The following DSTYK variants were observed in gnomAD, a reference collection of about 807,000 sequenced individuals.
DSTYK encodes the protein RIP-homologous kinase.
DSTYK carries 34 observed loss-of-function variants against 98.7 expected under a neutral mutation model. That is an observed-to-expected ratio of 0.34 (90% confidence interval 0.26 to 0.46). The LOEUF (loss-of-function observed/expected upper bound fraction) is 0.46. Among genes scored for constraint, DSTYK ranks in the 20% least tolerant of loss-of-function variants. The pLI is 1.00. For synonymous variants in DSTYK, 462 were observed against 457.3 expected, an observed-to-expected ratio of 1.01 and a Z score of -0.13; for missense variants, 962 against 1,181.7, an observed-to-expected ratio of 0.81 and a Z score of 2.73.
intron 1 of DSTYK, among the ~76,000 whole-genome samples, chr1:205,189,262 G>A (rs764241646): frequency 4.6e-5 from 7 of 152,258 alleles, no homozygotes; most frequent in Middle Eastern, 3.4e-3. Flanking sequence ...GCTTCCTAAA[G>A]AATGAGAATC....
At chr1:205,194,818 CCCAAGTA>C (rs68124028) in intron 1 of DSTYK, among the ~76,000 whole-genome samples, 73,997 of 150,890 alleles carry the variant, frequency 0.49, 20,913 homozygotes, top group Non-Finnish European at 0.63. Flanking sequence ...GCCTCAGCCT[CCCAAGTA>C]CCAAGTAGCT....
intron 2 of DSTYK, among the ~76,000 whole-genome samples, chr1:205,173,675 G>C (rs981499160): frequency 1.3e-5 from 2 of 150,896 alleles, no homozygotes; most frequent in African/African-American, 4.9e-5. Context: ...GTGCACAACA[G>C]AAACATCAGC....
At chr1:205,180,346 G>A (rs1221890535) in intron 2 of DSTYK, among the ~76,000 whole-genome samples, 4 of 147,054 alleles carry the variant, frequency 2.7e-5, no homozygotes, top group Non-Finnish European at 5.9e-5. Flanking sequence ...TCCCACTTAT[G>A]AGTGAGAACA....
chr1:205,164,056 G>T, intron 3 of DSTYK, 101 bp from the exon 4 acceptor site: 1 of 933,976 alleles, frequency 1.1e-6, no homozygotes, highest in Non-Finnish European at 1.7e-6. Context: ...CTACCGTGAT[G>T]ATGATGGCTG....
chr1:205,169,522 G>A lies in DSTYK; in HGVS notation c.965C>T (p.Ala322Val). The change falls in exon 3 of 13, where the codon GCT becomes GTT. Residue 322 changes from alanine to valine, a missense_variant. By Grantham distance (64) the Ala-to-Val change is moderately conservative (BLOSUM62 0). Around this residue, in one of 4 missense-constraint regions of DSTYK, gnomAD observed 660 missense variants for 855.0 expected, o/e 0.77. Coordinates refer to ENST00000367162, the MANE Select transcript of DSTYK (RefSeq NM_015375.3). The surrounding 1 kb of genome is among the most constrained non-coding windows in gnomAD (Gnocchi z 4.0). Reference sequence around the variant, plus strand: ...CTGAGCTTTAGTATCCTGGCCAGGAGCCCCACAGTTCCAGTGACTGCTGCT... The same window carrying A: ...CTGAGCTTTAGTATCCTGGCCAGGAACCCCACAGTTCCAGTGACTGCTGCT... The part of the protein sequence containing the change: ...YLSSSHWNCG[A>V]PGQDTKAQSM... The A allele has an allele frequency of 6.2e-7, 1 of 1,614,102 alleles. No homozygotes were observed. Among genetic ancestry groups the A allele is most frequent in the Non-Finnish European group, 8.5e-7 (1 of 1,180,014 alleles).
In DSTYK at chr1:205,176,476, T is replaced by TAAAAAAAAAA. The variant is rs61291677; in HGVS notation, c.655-6654_655-6645dup. ...GGGCAACAAGAGTGAAACTCCCTCT[T>TAAAAAAAAAA]AAAAAAAAAAAAAAAAAAAAAAAAA... is the stretch of plus-strand genomic sequence containing the variant. On this transcript the variant is annotated intron_variant, in intron 2 of 12. Transcript: ENST00000367162. Among the ~76,000 whole-genome samples the TAAAAAAAAAA allele has an allele frequency of 1.9e-4, 8 of 43,190 alleles. 1 individual carries two copies. Among genetic ancestry groups the TAAAAAAAAAA allele is most frequent in the South Asian group, 1.6e-3 (1 of 612 alleles). The allele number at this position is 43,190 out of a possible 152,430, so 28.3% of individuals were successfully genotyped here.
intron 6 of DSTYK, among the ~76,000 whole-genome samples, chr1:205,161,591 T>C (rs1312798168): frequency 1.3e-5 from 2 of 152,200 alleles, no homozygotes; most frequent in Non-Finnish European, 2.9e-5. Flanking sequence ...TACTCACATC[T>C]ATCCACTCTC....
chr1:205,185,622 G>A (rs952601366), intron 2 of DSTYK, among the ~76,000 whole-genome samples: 1 of 152,206 alleles, frequency 6.6e-6, no homozygotes, highest in Non-Finnish European at 1.5e-5. Flanking sequence ...TTATCAGTAT[G>A]TATTGCAGAA....
At chr1:205,166,167 T>C (rs772301872) in intron 3 of DSTYK, among the ~76,000 whole-genome samples, 1 of 152,086 alleles carries the variant, frequency 6.6e-6, no homozygotes, top group African/African-American at 2.4e-5. Context: ...CTAAGATACA[T>C]ATTAAATGAA....
intron 1 of DSTYK, among the ~76,000 whole-genome samples, chr1:205,209,803 T>C (rs1260245160): frequency 6.6e-6 from 1 of 152,162 alleles, no homozygotes; most frequent in East Asian, 1.9e-4. Context: ...AAGCCTTGTG[T>C]TCAAATTTGC....
Position 205,148,614 on chromosome 1 carries a change from C to T in DSTYK, c.2468-275G>A, listed in dbSNP as rs190705835. 4.7e-4 allele frequency among the ~76,000 whole-genome samples: 72 copies of T among 152,136 alleles called. 2 individuals are homozygous for T. Among genetic ancestry groups the T allele is most frequent in the African/African-American group, 1.7e-3 (71 of 41,500 alleles). On this transcript the variant is annotated intron_variant, in intron 11 of 12. Transcript: ENST00000367162. ...AATAAGGCCTTTCATTCTGCTAGGA[C>T]AGTCAAAAAGATTAATCACAAAAGG...
At chr1:205,152,271 G>A (rs1376290558) in intron 10 of DSTYK, among the ~76,000 whole-genome samples, 5 of 152,152 alleles carry the variant, frequency 3.3e-5, no homozygotes, top group Non-Finnish European at 5.9e-5. Context: ...TCTGCCTCCC[G>A]GGTTCAAGCG....
In DSTYK at chr1:205,185,120, G is replaced by C. The variant is rs112406376; in HGVS notation, c.654+2298C>G. Among the ~76,000 whole-genome samples, 83 of 152,256 alleles carry C rather than the reference G, an allele frequency of 5.5e-4. 1 individual carries two copies. The highest frequency in any genetic ancestry group is 1.9e-3 in the African/African-American group (80 of 41,546). ...GGAGGCTGAGGCAGTAGAATTGCTT[G>C]AATCTGGAAGGCGGAGGTTGCAGTG... On this transcript the variant is annotated intron_variant, in intron 2 of 12. Coordinates refer to ENST00000367162, the MANE Select transcript of DSTYK (RefSeq NM_015375.3).
intron 2 of DSTYK, among the ~76,000 whole-genome samples, chr1:205,170,083 TA>T (rs1658015138): frequency 1.3e-5 from 2 of 151,892 alleles, no homozygotes; most frequent in Non-Finnish European, 2.9e-5. Context: ...GCCATCAGAT[TA>T]AAAAAAAATT....
At position 205,211,698 on chromosome 1, in the gene DSTYK, A is replaced by G; in HGVS notation, c.-163T>C. 1.1e-6 allele frequency: 1 copy of G among 947,376 alleles called. No individual in the cohort carries two copies. The allele number at this position is 947,376 out of a possible 1,614,324, so 58.7% of individuals were successfully genotyped here. A position where few individuals can be genotyped will look rare whatever the true frequency, so the allele number is the denominator to read the frequency against. On this transcript the variant is annotated 5_prime_UTR_variant, in exon 1 of 13. Transcript: ENST00000367162. ...CCGTCACTGCCGTTGCAAACAAACC[A>G]AACCGCAGTGCGCCGCTATCGGAAC...
At chr1:205,165,775 G>GA (rs1381041634) in intron 3 of DSTYK, among the ~76,000 whole-genome samples, 1 of 152,088 alleles carries the variant, frequency 6.6e-6, no homozygotes, top group Admixed American at 6.6e-5. Flanking sequence ...TTGTATTAGC[G>GA]AAAGAGAAAA....
chr1:205,207,362 A>G (rs1467259308), intron 1 of DSTYK, among the ~76,000 whole-genome samples: 1 of 151,164 alleles, frequency 6.6e-6, no homozygotes, highest in East Asian at 2.0e-4. Context: ...TACAGGCGTG[A>G]GCCGCCGCAC....
intron 10 of DSTYK, among the ~76,000 whole-genome samples, chr1:205,154,462 A>G (rs1657500164): frequency 6.6e-6 from 1 of 152,062 alleles, no homozygotes; most frequent in South Asian, 2.1e-4. Context: ...GAAGAAGGAC[A>G]TGTTTGCTTC....
At chr1:205,185,853 T>C (rs1187124804) in intron 2 of DSTYK, among the ~76,000 whole-genome samples, 1 of 151,982 alleles carries the variant, frequency 6.6e-6, no homozygotes, top group East Asian at 1.9e-4. Flanking sequence ...TGAAACCCTG[T>C]CTCTACTAAA....
Sources: gnomAD v4.1 joint callset for allele counts (sites outside exome capture counted in the v4.1 genomes callset) on GRCh38, gnomAD v4.1.1 for gene constraint, gnomAD v4.1.1 regional missense constraint, Gnocchi (gnomAD v3.1) non-coding constraint, MANE v1.5 for transcripts, NCBI Gene and HGNC (gene_info 2026-07-23, HGNC 2026-07-21) for gene names.